THSD4: variants seen among roughly 807,000 people sequenced by gnomAD.
The protein encoded by THSD4 is thrombospondin type 1 domain containing 4.
THSD4 carries 69 observed loss-of-function variants against 119.0 expected under a neutral mutation model. The ratio of observed to expected loss-of-function variants is 0.58; its 90% CI spans 0.48 to 0.71. The LOEUF (loss-of-function observed/expected upper bound fraction) is 0.71, where lower values mean the gene tolerates loss of function less well. Ranked by LOEUF, THSD4 falls within the 30% of genes least tolerant of loss-of-function variation. The pLI is 0.00. For missense variants in THSD4, 1,393 were observed against 1,391.1 expected, an observed-to-expected ratio of 1.00 and a Z score of -0.02; for synonymous variants, 524 against 540.4, an observed-to-expected ratio of 0.97 and a Z score of 0.42.
At chr15:71,333,971 T>G (rs1007543930) in intron 6 of THSD4, among the ~76,000 whole-genome samples, 6 of 152,322 alleles carry the variant, frequency 3.9e-5, no homozygotes, top group Admixed American at 3.9e-4. Context: ...ATATGTGGAA[T>G]TCAGAGATGA....
At chr15:71,510,787 T>C (rs1419746565) in intron 7 of THSD4, among the ~76,000 whole-genome samples, 4 of 152,120 alleles carry the variant, frequency 2.6e-5, no homozygotes, top group Non-Finnish European at 4.4e-5. Context: ...TCTTTGGCAT[T>C]GTGAAGGATA....
chr15:71,328,599 CGAGA>C (rs1236990827), intron 6 of THSD4, among the ~76,000 whole-genome samples: 3 of 152,148 alleles, frequency 2.0e-5, no homozygotes, highest in Admixed American at 2.0e-4. Flanking sequence ...AGCATTCTAG[CGAGA>C]GAGAATGACT....
intron 4 of THSD4, among the ~76,000 whole-genome samples, chr15:71,215,827 G>A (rs1165467721): frequency 1.3e-5 from 2 of 152,204 alleles, no homozygotes; most frequent in South Asian, 2.1e-4. Context: ...CCAATCCTAG[G>A]ATAAGTTGAA....
At position 71,215,218 on chromosome 15, in the gene THSD4, G is replaced by A. The variant is rs776401272; in HGVS notation, c.283G>A (p.Ala95Thr). Reference protein sequence around the residue: ...YRLRGGQRPGAPARAFADHVV... With the variant: ...YRLRGGQRPGTPARAFADHVV... ...CCTGCGCGGCGGCCAGCGGCCTGGC[G>A]CCCCTGCGCGCGCCTTCGCGGACCA... Residue 95 changes from alanine (A) to threonine (T), a missense_variant, in exon 4 of 18, where the codon GCC becomes ACC. Coordinates refer to ENST00000261862, the MANE Select transcript of THSD4 (RefSeq NM_024817.3). The A allele has an allele frequency of 6.5e-6, 9 of 1,378,750 alleles. No individual in the cohort carries two copies. The highest frequency in any genetic ancestry group is 4.9e-5 in the South Asian group (3 of 61,716). 85.4% of individuals were successfully genotyped at this position (1,378,750 alleles called of 1,614,324 possible).
At chr15:71,139,561 C>T (rs1470344185) in intron 1 of THSD4, among the ~76,000 whole-genome samples, 1 of 152,122 alleles carries the variant, frequency 6.6e-6, no homozygotes, top group Admixed American at 6.5e-5. Flanking sequence ...GTCTTCAATA[C>T]CAGGAGTAAT....
At chr15:71,170,785 A>G (rs1264099058) in intron 3 of THSD4, among the ~76,000 whole-genome samples, 1 of 152,186 alleles carries the variant, frequency 6.6e-6, no homozygotes, top group Non-Finnish European at 1.5e-5. Context: ...AAGATATTAA[A>G]AATTACTAAA....
chr15:71,432,880 A>C (rs2046961226), intron 7 of THSD4, among the ~76,000 whole-genome samples: 1 of 152,000 alleles, frequency 6.6e-6, no homozygotes, highest in Non-Finnish European at 1.5e-5. Flanking sequence ...CCACATCCTT[A>C]TGCCTTTTTA....
rs1195413080 is a variant in THSD4, at chr15:71,442,579, A to AAAAAAAAAAAT, written c.1152+30757_1152+30758insAAAAAAAAATA. Reference sequence around the variant, plus strand: ...GCAAAACTCCATCTCAAAAAAAAAAAATATATATATATATATATATATGTG... The same window carrying AAAAAAAAAAAT: ...GCAAAACTCCATCTCAAAAAAAAAAAAAAAAAAAAATATATATATATATATATATATATGTG... On this transcript the variant is annotated intron_variant, in intron 7 of 17. Coordinates refer to ENST00000261862, the MANE Select transcript of THSD4 (RefSeq NM_024817.3). Among the ~76,000 whole-genome samples the AAAAAAAAAAAT allele has an allele frequency of 2.0e-4, 8 of 39,862 alleles. 1 individual carries two copies. Among genetic ancestry groups the AAAAAAAAAAAT allele is most frequent in the South Asian group, 1.3e-3 (1 of 774 alleles). 26.2% of individuals were successfully genotyped at this position (39,862 alleles called of 152,430 possible).
chr15:71,536,269 T>C (rs1005358858), intron 7 of THSD4, among the ~76,000 whole-genome samples: 1 of 152,182 alleles, frequency 6.6e-6, no homozygotes, highest in East Asian at 1.9e-4. Flanking sequence ...CTTTCCAGCT[T>C]CTGGAGGCTG....
rs975469639 is a variant in THSD4, at chr15:71,669,335, G to C, written c.1357+8601G>C. Among the ~76,000 whole-genome samples the C allele has an allele frequency of 1.3e-5, 2 of 152,070 alleles. 1 individual carries two copies. Among genetic ancestry groups the C allele is most frequent in the South Asian group, 4.1e-4 (2 of 4,820 alleles). ...ACATAATCAGTAATAACCATTTTTG[G>C]TGATGTCTATCTAAAATATTAGCCT... On this transcript the variant is annotated intron_variant, in intron 8 of 17. Transcript: ENST00000261862.
Position 71,489,102 on chromosome 15 carries a change from A to G in THSD4, c.1152+77279A>G, listed in dbSNP as rs115960468. Reference sequence around the variant, plus strand: ...TAGAAATTTCCCCAGAAAAGCTCATAGGAACAATATTCTCAGAGTTCCTGA... The same window carrying G: ...TAGAAATTTCCCCAGAAAAGCTCATGGGAACAATATTCTCAGAGTTCCTGA... On this transcript the variant is annotated intron_variant, in intron 7 of 17. Coordinates refer to ENST00000261862, the MANE Select transcript of THSD4 (RefSeq NM_024817.3). 8.1e-3 allele frequency among the ~76,000 whole-genome samples: 1,230 copies of G among 152,308 alleles called. 20 individuals are homozygous for G. The highest frequency in any genetic ancestry group is 0.027 in the African/African-American group (1,119 of 41,550).
intron 2 of THSD4, among the ~76,000 whole-genome samples, chr15:71,154,253 C>T (rs1176653289): frequency 6.6e-6 from 1 of 152,226 alleles, no homozygotes; most frequent in Non-Finnish European, 1.5e-5. Context: ...TCCTATTTCC[C>T]CACCTCCTCT....
chr15:71,377,368 T>C (rs1410625076), intron 6 of THSD4, among the ~76,000 whole-genome samples: 2 of 151,958 alleles, frequency 1.3e-5, no homozygotes, highest in African/African-American at 2.4e-5. Context: ...TCAACAGGAA[T>C]GTGGGTGTTC....
At chr15:71,389,810 G>GTTTTTTT (rs556682631) in intron 6 of THSD4, among the ~76,000 whole-genome samples, 10,945 of 87,390 alleles carry the variant, frequency 0.13, 2,441 homozygotes, top group Middle Eastern at 0.18. Flanking sequence ...TTTCTGGGTT[G>GTTTTTTT]TTTTTTTTTT....
At position 71,778,875 on chromosome 15, in the gene THSD4, A is replaced by T. The variant is rs2053958037; in HGVS notation, c.*1501A>T. ...AAAGGTGGACCCTCTGAAAACAGTT[A>T]AGAGGAATATATGTATGTTTTACCC... On this transcript the variant is annotated 3_prime_UTR_variant, in exon 18 of 18. Coordinates refer to ENST00000261862, the MANE Select transcript of THSD4 (RefSeq NM_024817.3). The T allele has an allele frequency of 6.6e-6, 1 of 152,278 alleles. No individual in the cohort carries two copies. Among genetic ancestry groups the T allele is most frequent in the Admixed American group, 6.5e-5 (1 of 15,294 alleles). The allele number at this position is 152,278 out of a possible 1,614,324, so 9.4% of individuals were successfully genotyped here.
intron 7 of THSD4, 135 bp from the exon 8 acceptor site, chr15:71,660,395 C>T (rs879001789): frequency 8.9e-6 from 9 of 1,016,384 alleles, no homozygotes; most frequent in Non-Finnish European, 1.3e-5. Flanking sequence ...CCGTCTGTGG[C>T]TCCCACCCCA....
At chr15:71,734,332 A>G (rs1055753326) in intron 10 of THSD4, among the ~76,000 whole-genome samples, 6 of 152,366 alleles carry the variant, frequency 3.9e-5, no homozygotes, top group Middle Eastern at 6.8e-3. Flanking sequence ...TAAATGAGCC[A>G]TCACGTCACA....
chr15:71,172,635 A>AGGCAAATAGATAAC (rs1555452513), intron 3 of THSD4, among the ~76,000 whole-genome samples: 1 of 124,194 alleles, frequency 8.1e-6, no homozygotes, highest in Non-Finnish European at 1.7e-5. Flanking sequence ...GTGTAAAGAT[A>AGGCAAATAGATAAC]GGCAAATAGA....
Position 71,403,295 on chromosome 15 carries a change from T to C in THSD4, c.1016-8392T>C, listed in dbSNP as rs117804056. ...TGAGAATTGCATTTCTGAAAATGCT[T>C]TATTTTCTCCTAAGGATTGATAATT... On this transcript the variant is annotated intron_variant, in intron 6 of 17. Transcript: ENST00000261862. Among the ~76,000 whole-genome samples, 34 of 152,328 alleles carry C rather than the reference T, an allele frequency of 2.2e-4. No individual in the cohort carries two copies. The East Asian group carries it at 6.2e-3, about 28-fold the overall frequency.
Sources: allele counts gnomAD v4.1 joint callset (sites outside exome capture counted in the v4.1 genomes callset), GRCh38; gene constraint gnomAD v4.1.1; transcripts MANE v1.5; gene names NCBI Gene and HGNC (gene_info 2026-07-23, HGNC 2026-07-21).